Variants in RTEL1 observed in about 807,000 individuals in gnomAD.
RTEL1 encodes regulator of telomere elongation helicase 1, also known as regulator of telomere length.
A neutral mutation model predicts 162.2 loss-of-function variants in RTEL1; 86 were observed. The ratio of observed to expected loss-of-function variants is 0.53; its 90% CI spans 0.45 to 0.63. The LOEUF (loss-of-function observed/expected upper bound fraction) is 0.63. RTEL1 is among the 30% of genes least tolerant of loss of function. RTEL1 has a pLI of 0.00. For synonymous variants in RTEL1, 958 were observed against 717.9 expected, an observed-to-expected ratio of 1.33 and a Z score of -5.35; for missense variants, 1,941 against 1,750.2, an observed-to-expected ratio of 1.11 and a Z score of -1.95.
Position 63,693,125 on chromosome 20 carries a change from A to G in RTEL1, c.2852-18A>G, listed in dbSNP as rs1601183968. Reference sequence around the variant, plus strand: ...GAGAAAAAGGGGCAGATGGGGACAGACGCCCCTTCCTCTACAGGCTTCTAC... The same window carrying G: ...GAGAAAAAGGGGCAGATGGGGACAGGCGCCCCTTCCTCTACAGGCTTCTAC... On this transcript the variant is annotated intron_variant, in intron 29 of 34. Coordinates refer to ENST00000360203, the MANE Select transcript of RTEL1 (RefSeq NM_001283009.2). The G allele has an allele frequency of 6.2e-7, 1 of 1,612,066 alleles. No individual in the cohort carries two copies. The highest frequency in any genetic ancestry group is 1.3e-5 in the African/African-American group (1 of 74,862).
chr20:63,687,783 C>G lies in RTEL1; in HGVS notation c.1481+13C>G. ...TGGAGATGCAGATGTACGGGCCACC[C>G]CTGCCAGGGCCTGAGCACCGGTGAC... is the stretch of plus-strand genomic sequence containing the variant. On this transcript the variant is annotated intron_variant, in intron 17 of 34. Coordinates refer to ENST00000360203, the MANE Select transcript of RTEL1 (RefSeq NM_001283009.2). The G allele has an allele frequency of 1.3e-6, 2 of 1,560,256 alleles. No homozygotes were observed. Among genetic ancestry groups the G allele is most frequent in the Non-Finnish European group, 1.7e-6 (2 of 1,152,826 alleles).
Position 63,695,369 on chromosome 20 carries a change from A to T in RTEL1, c.3541A>T (p.Ile1181Phe), listed in dbSNP as rs376148207. 6.5e-7 allele frequency: 1 copy of T among 1,548,876 alleles called. No homozygotes were observed. Among genetic ancestry groups the T allele is most frequent in the South Asian group, 1.2e-5 (1 of 80,992 alleles). Reference sequence around the variant, plus strand: ...GAAGACCGGGAAGACCCAGAGCAAGATCTCGTCCTTCCTTAGACAGAGGCC... The same window carrying T: ...GAAGACCGGGAAGACCCAGAGCAAGTTCTCGTCCTTCCTTAGACAGAGGCC... ...SEKTGKTQSK[I>F]SSFLRQRPAG... The change falls in exon 34 of 35, where the codon ATC (isoleucine) becomes TTC (phenylalanine). Residue 1181 changes from isoleucine (I) to phenylalanine (F), a missense_variant. Coordinates refer to ENST00000360203, the MANE Select transcript of RTEL1 (RefSeq NM_001283009.2).
intron 10 of RTEL1, among the ~76,000 whole-genome samples, chr20:63,677,391 G>C (rs1174412544): frequency 6.6e-6 from 1 of 152,196 alleles, no homozygotes; most frequent in Non-Finnish European, 1.5e-5. Context: ...AAGACTGGTG[G>C]ATCACCTGAG....
At chr20:63,672,473 G>C (rs957142991) in intron 8 of RTEL1, 83 bp from the exon 9 acceptor site, 1 of 1,132,542 alleles carries the variant, frequency 8.8e-7, no homozygotes, top group Non-Finnish European at 1.3e-6. Flanking sequence ...TGTGATGTTC[G>C]ATGCCTGCTG....
chr20:63,659,111 G>A, intron 1 of RTEL1, 122 bp from the exon 2 acceptor site: 1 of 372,006 alleles, frequency 2.7e-6, no homozygotes, highest in South Asian at 3.9e-5. Flanking sequence ...AGCTCCTCGA[G>A]ATGGGATATA....
chr20:63,681,845 A>C, intron 14 of RTEL1: 1 of 984,502 alleles, frequency 1.0e-6, no homozygotes, highest in Non-Finnish European at 1.2e-6. Context: ...TGTCCTCCCA[A>C]CTCCTCCCCA....
At chr20:63,685,122 G>C (rs758774434) in intron 14 of RTEL1, among the ~76,000 whole-genome samples, 1 of 149,228 alleles carries the variant, frequency 6.7e-6, no homozygotes, top group Non-Finnish European at 1.5e-5. Context: ...TCCTGGGTTC[G>C]GGCAGTTTGC....
chr20:63,690,488 G>A, intron 26 of RTEL1, 47 bp downstream of exon 26: 1 of 1,375,816 alleles, frequency 7.3e-7, no homozygotes, highest in Non-Finnish European at 9.8e-7. Flanking sequence ...TGGCGGAGCG[G>A]GCGGCGTGGG....
chr20:63,689,886 G>C (rs968836640), intron 24 of RTEL1, 21 bp downstream of exon 24: 1 of 1,592,736 alleles, frequency 6.3e-7, no homozygotes, highest in Non-Finnish European at 8.5e-7. Context: ...TCCGGTGGCA[G>C]GCGCGGCGCC....
chr20:63,678,805 A>T (rs1179378803), intron 12 of RTEL1, among the ~76,000 whole-genome samples: 2 of 103,364 alleles, frequency 1.9e-5, no homozygotes, highest in South Asian at 3.3e-4. Context: ...CAGCACACAC[A>T]CTCCCACGGA....
At chr20:63,692,702 T>TC in intron 28 of RTEL1, 103 bp from the exon 29 acceptor site, 1 of 1,151,458 alleles carries the variant, frequency 8.7e-7, no homozygotes, top group Non-Finnish European at 1.2e-6. Context: ...ACCTCGGCAG[T>TC]CACTGTCCCA....
intron 9 of RTEL1, among the ~76,000 whole-genome samples, chr20:63,673,289 G>A (rs1298610696): frequency 3.3e-5 from 5 of 151,824 alleles, no homozygotes; most frequent in African/African-American, 7.2e-5. Flanking sequence ...AGCTACTCAG[G>A]AGGCTGAGGC....
chr20:63,663,894 T>C (rs2090070846), intron 6 of RTEL1, among the ~76,000 whole-genome samples: 1 of 152,142 alleles, frequency 6.6e-6, no homozygotes, highest in South Asian at 2.1e-4. Context: ...AGCCAGGTGG[T>C]CCCGCATGAC....
chr20:63,695,925 C>G lies in RTEL1; in HGVS notation c.*67C>G. 6.9e-7 allele frequency: 1 copy of G among 1,457,240 alleles called. No individual in the cohort carries two copies. The highest frequency in any genetic ancestry group is 9.3e-7 in the Non-Finnish European group (1 of 1,072,008). 90.3% of individuals were successfully genotyped at this position (1,457,240 alleles called of 1,614,324 possible). On this transcript the variant is annotated 3_prime_UTR_variant, in exon 35 of 35. Coordinates refer to ENST00000360203, the MANE Select transcript of RTEL1 (RefSeq NM_001283009.2). ...ACCTGCCTGTCCAGCTCTGGTGGGC[C>G]AAGAACCCACCCAACAGAATAGGCC...
Position 63,661,932 on chromosome 20 carries a change from CACCTCCTACCGGTGGGTCA to C in RTEL1, c.385_395+8del. ...CACAGGTCATCAACGAGCTTCGGAA[CACCTCCTACCGGTGGGTCA>C]GACGAGTTTACACCTGTCTCGGGGT... On this transcript the variant is annotated splice_donor_variant and splice_donor_5th_base_variant and coding_sequence_variant and intron_variant, in exon 4 of 35. Coordinates refer to ENST00000360203, the MANE Select transcript of RTEL1 (RefSeq NM_001283009.2). LOFTEE classifies it high-confidence loss of function. The surrounding 1 kb of genome is among the most constrained non-coding windows in gnomAD (Gnocchi z 5.1). 1 of 1,613,816 alleles carries C rather than the reference CACCTCCTACCGGTGGGTCA, an allele frequency of 6.2e-7. No homozygotes were observed. The highest frequency in any genetic ancestry group is 8.5e-7 in the Non-Finnish European group (1 of 1,179,794).
At position 63,690,276 on chromosome 20, in the gene RTEL1, A is replaced by AC. The variant is rs546123796; in HGVS notation, c.2266-13dup. On this transcript the variant is annotated splice_polypyrimidine_tract_variant and intron_variant, in intron 25 of 34. Coordinates refer to ENST00000360203, the MANE Select transcript of RTEL1 (RefSeq NM_001283009.2). ...AGAGGAGCCAGAAATGGGTCCACCC[A>AC]CCCCCATGGTTCTGCAGATGCCAGC... is the stretch of plus-strand genomic sequence containing the variant. The AC allele has an allele frequency of 1.2e-4, 199 of 1,600,346 alleles. 2 individuals carry two copies. The South Asian group carries it at 2.1e-3, about 17-fold the overall frequency.
rs778379831 is a variant in RTEL1 at position 63,694,876 on chromosome 20, C to T, written c.3245C>T (p.Ala1082Val). The T allele has an allele frequency of 2.1e-5, 34 of 1,612,548 alleles. No individual in the cohort carries two copies. The highest frequency in any genetic ancestry group is 1.8e-4 in the South Asian group (16 of 91,092). The change falls in exon 32 of 35, where the codon GCG becomes GTG. Residue 1082 changes from alanine to valine, a missense_variant. Physicochemically the swap from Ala to Val is moderately conservative, Grantham distance 64. Coordinates refer to ENST00000360203, the MANE Select transcript of RTEL1 (RefSeq NM_001283009.2). Reference sequence around the variant, plus strand: ...GCGGGCTGTAGCCAACTCTTGGCAGCGCTGACAGCCTATAAGCAAGACGAC... The same window carrying T: ...GCGGGCTGTAGCCAACTCTTGGCAGTGCTGACAGCCTATAAGCAAGACGAC... ...GSAGCSQLLA[A>V]LTAYKQDDDL...
intron 16 of RTEL1, chr20:63,687,279 G>C (rs2090617814): frequency 4.3e-6 from 1 of 235,092 alleles, no homozygotes; most frequent in African/African-American, 2.3e-5. Flanking sequence ...CGGGATGCCG[G>C]CGCTTCCTTC....
intron 27 of RTEL1, 23 bp from the exon 28 acceptor site, chr20:63,691,719 G>A (rs1310251969): frequency 6.2e-7 from 1 of 1,603,640 alleles, no homozygotes; most frequent in South Asian, 1.1e-5. Flanking sequence ...TCTGTGTGTG[G>A]TTGTGAGCTG....
Sources: allele counts gnomAD v4.1 joint callset (sites outside exome capture counted in the v4.1 genomes callset), GRCh38; gene constraint gnomAD v4.1.1; non-coding constraint Gnocchi (gnomAD v3.1); transcripts MANE v1.5; gene names NCBI Gene and HGNC (gene_info 2026-07-23, HGNC 2026-07-21).